The following PCDH15 variants were observed in gnomAD, a reference collection of about 807,000 sequenced individuals.
PCDH15 encodes the protein protocadherin-15.
Under a neutral mutation model 178.5 loss-of-function variants are expected in PCDH15, and 129 were observed. The observed-to-expected ratio is 0.72, with a 90% CI of 0.63 to 0.84. The LOEUF (loss-of-function observed/expected upper bound fraction) is 0.84. PCDH15 is among the 40% of genes least tolerant of loss of function. The pLI is 0.00. For missense variants in PCDH15, 2,230 were observed against 2,099.9 expected (o/e 1.06, Z -1.21); for synonymous variants, 800 against 732.0 (o/e 1.09, Z -1.50).
intron 8 of PCDH15, among the ~76,000 whole-genome samples, chr10:54,264,885 C>T (rs2057568155): frequency 6.6e-6 from 1 of 152,018 alleles, no homozygotes; most frequent in Non-Finnish European, 1.5e-5. Context: ...GAGATGTTGA[C>T]ATGCATACAT....
intron 2 of PCDH15, among the ~76,000 whole-genome samples, chr10:54,662,293 G>GA (rs1555133609): frequency 6.6e-6 from 1 of 151,816 alleles, no homozygotes; most frequent in Non-Finnish European, 1.5e-5. Flanking sequence ...ACAAACATAT[G>GA]AAAAAACATT....
intron 2 of PCDH15, among the ~76,000 whole-genome samples, chr10:55,568,922 G>A (rs1842355137): frequency 1.3e-5 from 2 of 152,006 alleles, no homozygotes; most frequent in African/African-American, 4.8e-5. Context: ...CTTTGAGCAA[G>A]GCAGCTGTGT....
At chr10:55,473,926 A>C (rs948456999) in intron 2 of PCDH15, among the ~76,000 whole-genome samples, 1 of 152,126 alleles carries the variant, frequency 6.6e-6, no homozygotes, top group Non-Finnish European at 1.5e-5. Flanking sequence ...ATAATTGTTA[A>C]ACCTATTTAA....
chr10:55,407,882 G>C (rs1366306485), intron 2 of PCDH15, among the ~76,000 whole-genome samples: 1 of 152,176 alleles, frequency 6.6e-6, no homozygotes, highest in Non-Finnish European at 1.5e-5. Flanking sequence ...AAGGCCTTTT[G>C]ACCAAAGGCT....
intron 21 of PCDH15, among the ~76,000 whole-genome samples, chr10:53,980,071 A>G (rs1244695656): frequency 4.6e-5 from 7 of 151,598 alleles, no homozygotes; most frequent in Non-Finnish European, 8.8e-5. Flanking sequence ...ATACAAAAAA[A>G]TTAGTCTGGC....
intron 10 of PCDH15, among the ~76,000 whole-genome samples, chr10:54,205,434 G>A (rs2134018305): frequency 6.7e-6 from 1 of 149,658 alleles, no homozygotes; most frequent in African/African-American, 2.5e-5. Context: ...AAAGCTATAG[G>A]TCCAAAGCAA....
At chr10:54,753,894 G>GTTTTTTTTTTTTTTTTTTTTTGT (rs755751275) in intron 1 of PCDH15, among the ~76,000 whole-genome samples, 1 of 85,510 alleles carries the variant, frequency 1.2e-5, no homozygotes, top group Non-Finnish European at 2.4e-5. Flanking sequence ...GTTTGTTTGT[G>GTTTTTTTTTTTTTTTTTTTTTGT]TTTTTTTTTT....
chr10:54,618,994 T>A (rs959648878), intron 2 of PCDH15: 4 of 152,090 alleles, frequency 2.6e-5, no homozygotes, highest in African/African-American at 9.6e-5. Context: ...CATGAATTTT[T>A]AAAATTTCAG....
At chr10:53,849,839 C>A (rs1473167377) in intron 28 of PCDH15, among the ~76,000 whole-genome samples, 1 of 115,330 alleles carries the variant, frequency 8.7e-6, no homozygotes, top group Non-Finnish European at 1.6e-5. Context: ...CCAGCCTGTG[C>A]GACAGAGGAA....
At chr10:54,853,400 CACACATATATAT>C (rs1174174401) in intron 3 of PCDH15, among the ~76,000 whole-genome samples, 2 of 58,284 alleles carry the variant, frequency 3.4e-5, no homozygotes, top group Admixed American at 1.9e-4. Context: ...TATATATACA[CACACATATATAT>C]ACACATACAT....
intron 2 of PCDH15, among the ~76,000 whole-genome samples, chr10:54,656,369 C>T (rs1032304932): frequency 6.6e-6 from 1 of 152,146 alleles, no homozygotes; most frequent in African/African-American, 2.4e-5. Flanking sequence ...CTGTTCCCCT[C>T]ACCCTGGCAA....
chr10:54,809,017 C>T (rs760394589), intron 3 of PCDH15, among the ~76,000 whole-genome samples: 21 of 151,414 alleles, frequency 1.4e-4, no homozygotes, highest in African/African-American at 2.7e-4. Flanking sequence ...CAGTATTTTT[C>T]GTCCTGATCT....
At chr10:54,154,995 G>A (rs1196383175) in intron 13 of PCDH15, among the ~76,000 whole-genome samples, 1 of 152,060 alleles carries the variant, frequency 6.6e-6, no homozygotes, top group African/African-American at 2.4e-5. Context: ...TTAGAGGATG[G>A]GGATAACAGA....
chr10:54,762,699 T>C (rs925503743), intron 1 of PCDH15, among the ~76,000 whole-genome samples: 2 of 152,118 alleles, frequency 1.3e-5, no homozygotes, highest in Non-Finnish European at 2.9e-5. Context: ...AACTTCATCA[T>C]TCTAAAGGAT....
At chr10:55,167,656 C>A (rs1306021042) in intron 1 of PCDH15, among the ~76,000 whole-genome samples, 1 of 152,066 alleles carries the variant, frequency 6.6e-6, no homozygotes, top group Non-Finnish European at 1.5e-5. Context: ...TCACATCTCT[C>A]ATGCACATGT....
intron 32 of PCDH15, among the ~76,000 whole-genome samples, chr10:53,820,929 T>C (rs528008773): frequency 6.6e-6 from 1 of 152,166 alleles, no homozygotes; most frequent in African/African-American, 2.4e-5. Context: ...TTCTCTTGGT[T>C]TTTCTATTTA....
intron 8 of PCDH15, among the ~76,000 whole-genome samples, chr10:54,247,216 G>T (rs2056031533): frequency 6.6e-6 from 1 of 151,802 alleles, no homozygotes; most frequent in African/African-American, 2.4e-5. Context: ...AATGTATGAA[G>T]TATAGACAAT....
At chr10:54,157,443 C>T (rs1364322113) in intron 13 of PCDH15, among the ~76,000 whole-genome samples, 1 of 152,180 alleles carries the variant, frequency 6.6e-6, no homozygotes, top group East Asian at 1.9e-4. Flanking sequence ...ACCCTTTCAG[C>T]CATGGCTGGA....
chr10:54,135,374 T>A (rs1370368641), intron 14 of PCDH15, among the ~76,000 whole-genome samples: 2 of 152,176 alleles, frequency 1.3e-5, no homozygotes, highest in Non-Finnish European at 2.9e-5. Flanking sequence ...CAGATTATAT[T>A]TCTTAAATGG....
Sources: allele counts gnomAD v4.1 joint callset (sites outside exome capture counted in the v4.1 genomes callset), GRCh38; gene constraint gnomAD v4.1.1; transcripts MANE v1.5; gene names NCBI Gene and HGNC (gene_info 2026-07-23, HGNC 2026-07-21).